ST8SIA2: variants seen among roughly 807,000 people sequenced by gnomAD.
ST8SIA2 encodes the protein ST8 alpha-N-acetyl-neuraminide alpha-2,8-sialyltransferase 2.
Under a neutral mutation model 37.6 loss-of-function variants are expected in ST8SIA2, and 22 were observed. The ratio of observed to expected loss-of-function variants is 0.58; its 90% CI spans 0.42 to 0.83. The LOEUF is 0.83. Ranked by LOEUF, ST8SIA2 falls within the 40% of genes least tolerant of loss-of-function variation. The probability of loss-of-function intolerance (pLI) is 0.00; values close to 1 mark genes in which losing one functional copy is unlikely to be tolerated. For missense variants in ST8SIA2, 382 were observed against 484.7 expected (o/e 0.79, Z 1.99); for synonymous variants, 205 against 201.2 (o/e 1.02, Z -0.16).
chr15:92,398,852 C>T (rs1211948332), intron 1 of ST8SIA2, among the ~76,000 whole-genome samples: 1 of 152,204 alleles, frequency 6.6e-6, no homozygotes, highest in East Asian at 1.9e-4. Context: ...ACGAATATAT[C>T]TGAAGACCAA....
At chr15:92,409,071 G>C (rs2049530761) in intron 1 of ST8SIA2, among the ~76,000 whole-genome samples, 1 of 152,152 alleles carries the variant, frequency 6.6e-6, no homozygotes, top group Admixed American at 6.5e-5. Flanking sequence ...GGAAAGACCA[G>C]CCCACAGTTT....
At chr15:92,426,690 G>T (rs556307887) in intron 1 of ST8SIA2, among the ~76,000 whole-genome samples, 23 of 152,356 alleles carry the variant, frequency 1.5e-4, no homozygotes, top group Middle Eastern at 6.8e-3. Flanking sequence ...TCAGACAGAA[G>T]AAATAAGTTC....
intron 1 of ST8SIA2, among the ~76,000 whole-genome samples, chr15:92,402,907 A>G (rs909972225): frequency 1.1e-4 from 16 of 152,036 alleles, no homozygotes; most frequent in African/African-American, 3.6e-4. Context: ...AACACAAATG[A>G]TCAAGGCCTG....
intron 5 of ST8SIA2, among the ~76,000 whole-genome samples, chr15:92,448,939 G>C (rs1038311675): frequency 3.0e-5 from 4 of 134,248 alleles, no homozygotes; most frequent in Non-Finnish European, 4.8e-5. Context: ...TAGGGTATGT[G>C]GGGGGGGGTG....
At chr15:92,462,471 G>A (rs77618696) in intron 5 of ST8SIA2, among the ~76,000 whole-genome samples, 4,841 of 152,126 alleles carry the variant, frequency 0.032, 281 homozygotes, top group African/African-American at 0.11. Flanking sequence ...GAAGTATTTG[G>A]GCTTCTAGAA....
chr15:92,423,792 C>A (rs1431379538), intron 1 of ST8SIA2, among the ~76,000 whole-genome samples: 1 of 152,244 alleles, frequency 6.6e-6, no homozygotes, highest in African/African-American at 2.4e-5. Context: ...TTTTCCTATT[C>A]GACCATAAAT....
In ST8SIA2 at chr15:92,467,731, C is replaced by G. The variant is rs2050002724; in HGVS notation, c.*3346C>G. On this transcript the variant is annotated 3_prime_UTR_variant, in exon 6 of 6. Transcript: ENST00000268164. ...CTCCTTGTCCCACCACATGGACATG[C>G]CTTACACTGGCGTCCTCTCCTGAGT... The G allele has an allele frequency of 1.3e-5, 2 of 152,564 alleles. No homozygotes were observed. The highest frequency in any genetic ancestry group is 4.1e-4 in the South Asian group (2 of 4,824). 9.5% of individuals were successfully genotyped at this position (152,564 alleles called of 1,614,324 possible).
At chr15:92,395,777 G>A (rs921362794) in intron 1 of ST8SIA2, among the ~76,000 whole-genome samples, 3 of 152,138 alleles carry the variant, frequency 2.0e-5, no homozygotes, top group African/African-American at 7.2e-5. Flanking sequence ...GGCACTGCCC[G>A]GCTCAGATCA....
At position 92,428,477 on chromosome 15, in the gene ST8SIA2, A is replaced by G. The variant is rs182089082; in HGVS notation, c.99-1572A>G. Among the ~76,000 whole-genome samples the G allele has an allele frequency of 7.1e-4, 108 of 152,246 alleles. 1 individual carries two copies. In the Middle Eastern group the frequency reaches 0.01, roughly 14 times the overall value. ...GCCAAGCAGGTCTCCCCTCTCCCCA[A>G]GGAGGGCTGATTTTGAGGGTTAGGG... On this transcript the variant is annotated intron_variant, in intron 1 of 5. Coordinates refer to ENST00000268164, the MANE Select transcript of ST8SIA2 (RefSeq NM_006011.4).
intron 5 of ST8SIA2, among the ~76,000 whole-genome samples, chr15:92,453,925 G>A (rs10775256): frequency 0.68 from 102,869 of 151,962 alleles, 35,051 homozygotes; most frequent in South Asian, 0.76. Flanking sequence ...CCTTCCGGAC[G>A]CTGGGAAGAA....
chr15:92,454,265 C>T (rs1020942330), intron 5 of ST8SIA2, among the ~76,000 whole-genome samples: 19 of 152,206 alleles, frequency 1.2e-4, no homozygotes, highest in African/African-American at 4.1e-4. Flanking sequence ...GCTTGCAGAT[C>T]GCCATCTTCT....
chr15:92,415,216 T>C, intron 1 of ST8SIA2, among the ~76,000 whole-genome samples: 1 of 151,978 alleles, frequency 6.6e-6, no homozygotes, highest in African/African-American at 2.4e-5. Context: ...TTTCTGAACA[T>C]TACAGGGAGA....
At position 92,394,047 on chromosome 15, in the gene ST8SIA2, G is replaced by C. The variant is rs1428810522; in HGVS notation, c.-18G>C. On this transcript the variant is annotated 5_prime_UTR_variant, in exon 1 of 6. Coordinates refer to ENST00000268164, the MANE Select transcript of ST8SIA2 (RefSeq NM_006011.4). ...CCTCGCGCCGGCCCGCGTGGGTCCCGGCGGGCGCGAACCCACCATGCAGCT... is the reference window on the plus strand; with the variant it reads ...CCTCGCGCCGGCCCGCGTGGGTCCCCGCGGGCGCGAACCCACCATGCAGCT... 6.5e-7 allele frequency: 1 copy of C among 1,543,632 alleles called. No homozygotes were observed. Among genetic ancestry groups the C allele is most frequent in the Admixed American group, 2.0e-5 (1 of 50,526 alleles).
chr15:92,406,573 C>T (rs1164602523), intron 1 of ST8SIA2, among the ~76,000 whole-genome samples: 2 of 152,232 alleles, frequency 1.3e-5, no homozygotes, highest in Non-Finnish European at 2.9e-5. Flanking sequence ...GGTTTCCCTG[C>T]CTTCTACAGA....
intron 5 of ST8SIA2, among the ~76,000 whole-genome samples, chr15:92,455,675 T>C (rs532600029): frequency 3.0e-4 from 45 of 152,340 alleles, no homozygotes; most frequent in Non-Finnish European, 4.9e-4. Flanking sequence ...GCAGAAGCCA[T>C]TGGCGGGCAT....
intron 1 of ST8SIA2, among the ~76,000 whole-genome samples, chr15:92,426,075 G>T (rs574722004): frequency 2.6e-5 from 4 of 152,170 alleles, no homozygotes; most frequent in Admixed American, 2.0e-4. Flanking sequence ...GGAGGAAGCC[G>T]AACCTGGCAC....
At chr15:92,445,716 C>A (rs1012897096) in intron 5 of ST8SIA2, among the ~76,000 whole-genome samples, 3 of 152,140 alleles carry the variant, frequency 2.0e-5, no homozygotes, top group Non-Finnish European at 1.5e-5. Flanking sequence ...CCTGGTTAGG[C>A]CTGGATCTCT....
intron 1 of ST8SIA2, among the ~76,000 whole-genome samples, chr15:92,408,918 C>A (rs1227940812): frequency 2.0e-5 from 3 of 151,976 alleles, no homozygotes; most frequent in Non-Finnish European, 2.9e-5. Flanking sequence ...GTTGGTCAGG[C>A]TGGTCTTGAG....
intron 5 of ST8SIA2, among the ~76,000 whole-genome samples, chr15:92,453,459 G>T (rs2049897627): frequency 6.6e-6 from 1 of 152,228 alleles, no homozygotes; most frequent in South Asian, 2.1e-4. Flanking sequence ...ACAAATGCAA[G>T]ATTCTGTACT....
Sources: allele counts gnomAD v4.1 joint callset (sites outside exome capture counted in the v4.1 genomes callset), GRCh38; gene constraint gnomAD v4.1.1; transcripts MANE v1.5; gene names NCBI Gene and HGNC (gene_info 2026-07-23, HGNC 2026-07-21).